The following BARD1 variants were observed in gnomAD, a reference collection of about 807,000 sequenced individuals.
BARD1 encodes the protein BRCA1-associated RING domain protein 1.
BARD1 carries 73 observed loss-of-function variants against 77.0 expected under a neutral mutation model. The observed-to-expected ratio is 0.95, with a 90% confidence interval of 0.79 to 1.15. The LOEUF (loss-of-function observed/expected upper bound fraction) is 1.15. Ranked by LOEUF, BARD1 falls within the 50% of genes most tolerant of loss-of-function variation. BARD1 has a pLI of 0.00. For synonymous variants in BARD1, 384 were observed against 338.0 expected, an observed-to-expected ratio of 1.14 and a Z score of -1.49; for missense variants, 993 against 938.8, an observed-to-expected ratio of 1.06 and a Z score of -0.75.
chr2:214,800,138 G>C (rs1391303325), intron 1 of BARD1, among the ~76,000 whole-genome samples: 1 of 152,122 alleles, frequency 6.6e-6, no homozygotes, highest in Non-Finnish European at 1.5e-5. Flanking sequence ...TAAGATGACT[G>C]AACTCTTTAG....
chr2:214,751,107 G>GTATA (rs1693395956), intron 7 of BARD1, among the ~76,000 whole-genome samples: 1 of 10,258 alleles, frequency 9.7e-5, no homozygotes, highest in Non-Finnish European at 2.6e-4. Context: ...GTGTGTGTGT[G>GTATA]TGTGTGTGTG....
At chr2:214,730,918 G>A in intron 9 of BARD1, 1 of 456,834 alleles carries the variant, frequency 2.2e-6, no homozygotes, top group Non-Finnish European at 4.4e-6. Context: ...CATCTATACT[G>A]CTCATTTTGA....
intron 6 of BARD1, among the ~76,000 whole-genome samples, chr2:214,759,852 A>G (rs1444766608): frequency 6.6e-6 from 1 of 152,190 alleles, no homozygotes; most frequent in East Asian, 1.9e-4. Context: ...GCAAATAAAG[A>G]GTATCATTGA....
At position 214,745,176 on chromosome 2, in the gene BARD1, G is replaced by A. The variant is rs1382267929; in HGVS notation, c.1811-17C>T. On this transcript the variant is annotated splice_polypyrimidine_tract_variant and intron_variant, in intron 8 of 10. Coordinates refer to ENST00000260947, the MANE Select transcript of BARD1 (RefSeq NM_000465.4). ...CATGAGTTACTAAAATACAAAAAAA[G>A]CAGTAAGAGAAAGAAAGATACAAGC... 2 of 1,602,014 alleles carry A rather than the reference G, an allele frequency of 1.2e-6. No individual in the cohort carries two copies. The highest frequency in any genetic ancestry group is 1.7e-6 in the Non-Finnish European group (2 of 1,169,172).
At chr2:214,741,598 G>C (rs1692831619) in intron 9 of BARD1, among the ~76,000 whole-genome samples, 2 of 152,128 alleles carry the variant, frequency 1.3e-5, no homozygotes, top group Admixed American at 1.3e-4. Context: ...TGAGAAATTA[G>C]CACCCAGACT....
intron 3 of BARD1, among the ~76,000 whole-genome samples, chr2:214,788,198 A>G (rs200363706): frequency 2.0e-5 from 3 of 151,842 alleles, no homozygotes; most frequent in Non-Finnish European, 4.4e-5. Flanking sequence ...TTTTTTTTTA[A>G]TGTCACCAAC....
chr2:214,805,495 C>T (rs1696228023), intron 1 of BARD1, among the ~76,000 whole-genome samples: 3 of 152,068 alleles, frequency 2.0e-5, no homozygotes, highest in South Asian at 4.1e-4. Flanking sequence ...AAGCTGAACC[C>T]GGAGTCAGAG....
intron 2 of BARD1, among the ~76,000 whole-genome samples, chr2:214,796,435 GAC>G: frequency 6.6e-6 from 1 of 152,176 alleles, no homozygotes; most frequent in Non-Finnish European, 1.5e-5. Flanking sequence ...GAGGAAATTT[GAC>G]ACAGAGAGAA....
At chr2:214,758,472 A>T (rs1012032167) in intron 6 of BARD1, among the ~76,000 whole-genome samples, 4 of 152,208 alleles carry the variant, frequency 2.6e-5, no homozygotes, top group Admixed American at 1.3e-4. Context: ...CATTAACCTC[A>T]TATCTTCATT....
At chr2:214,806,682 T>C (rs1696287986) in intron 1 of BARD1, among the ~76,000 whole-genome samples, 1 of 152,106 alleles carries the variant, frequency 6.6e-6, no homozygotes, top group Admixed American at 6.6e-5. Flanking sequence ...GAGACCAGCC[T>C]GGCCAACATG....
chr2:214,756,413 AC>A (rs1413292033), intron 6 of BARD1, among the ~76,000 whole-genome samples: 2 of 152,210 alleles, frequency 1.3e-5, no homozygotes, highest in East Asian at 3.9e-4. Flanking sequence ...ACTATGGAAA[AC>A]AGTGGAGATT....
chr2:214,772,132 AT>A (rs11435361), intron 4 of BARD1, among the ~76,000 whole-genome samples: 2 of 151,694 alleles, frequency 1.3e-5, no homozygotes, highest in Non-Finnish European at 2.9e-5. Context: ...TGCCCAGCTA[AT>A]TTTTTTTATT....
intron 2 of BARD1, among the ~76,000 whole-genome samples, chr2:214,794,861 T>C (rs1027151178): frequency 3.3e-5 from 5 of 152,208 alleles, no homozygotes; most frequent in African/African-American, 1.2e-4. Flanking sequence ...AAATCAAAAC[T>C]GCACTGAATG....
intron 4 of BARD1, among the ~76,000 whole-genome samples, chr2:214,771,345 CT>C (rs1031702090): frequency 4.6e-5 from 7 of 152,078 alleles, no homozygotes; most frequent in Non-Finnish European, 1.5e-5. Flanking sequence ...TCTCCCAATA[CT>C]TTTTTCTGAA....
rs1033381011 is a variant in BARD1, at chr2:214,767,369, T to G, written c.1568+113A>C. 3.0e-6 allele frequency: 3 copies of G among 1,015,316 alleles called. No homozygotes were observed. In the Admixed American group the frequency reaches 5.8e-5, roughly 20 times the overall value. 62.9% of individuals were successfully genotyped at this position (1,015,316 alleles called of 1,614,324 possible). ...TGTGATGATCACATCTAATTTTAGT[T>G]GTGAAAGTGAAGAAAGCCATCAACT... On this transcript the variant is annotated intron_variant, in intron 6 of 10. Transcript: ENST00000260947.
At chr2:214,739,306 C>A (rs74577398) in intron 9 of BARD1, among the ~76,000 whole-genome samples, 4,382 of 151,764 alleles carry the variant, frequency 0.029, 191 homozygotes, top group African/African-American at 0.099. Flanking sequence ...AAATGTTCTA[C>A]TACAGTATGT....
At chr2:214,731,125 T>C (rs1375029551) in intron 9 of BARD1, 2 of 200,566 alleles carry the variant, frequency 1.0e-5, no homozygotes, top group Non-Finnish European at 2.0e-5. Context: ...ATGATTTGAT[T>C]GGGCTTTGCA....
intron 3 of BARD1, 21 bp downstream of exon 3, chr2:214,792,272 TAAGA>T (rs1695550250): frequency 1.9e-6 from 3 of 1,610,886 alleles, no homozygotes; most frequent in South Asian, 1.1e-5. Context: ...TGAATTTAAC[TAAGA>T]GAGATAGGGA....
chr2:214,730,831 A>C (rs76672782), intron 9 of BARD1: 5,823 of 459,920 alleles, frequency 0.013, 280 homozygotes, highest in African/African-American at 0.1. Context: ...AAAAGTCTAC[A>C]TTTCCACTCA....
Sources: gnomAD v4.1 joint callset for allele counts (sites outside exome capture counted in the v4.1 genomes callset) on GRCh38, gnomAD v4.1.1 for gene constraint, MANE v1.5 for transcripts, NCBI Gene and HGNC (gene_info 2026-07-23, HGNC 2026-07-21) for gene names.